Variants in RIF1 observed in about 807,000 individuals in gnomAD.
RIF1 encodes the protein telomere-associated protein RIF1.
A neutral mutation model predicts 247.1 loss-of-function variants in RIF1; 45 were observed. The observed-to-expected ratio is 0.18, with a 90% confidence interval of 0.14 to 0.23. The LOEUF is 0.23. Ranked by LOEUF, RIF1 falls within the 10% of genes least tolerant of loss-of-function variation. The pLI is 1.00. For synonymous variants in RIF1, 1,087 were observed against 978.8 expected (o/e 1.11, Z -2.06); for missense variants, 2,967 against 2,862.5 (o/e 1.04, Z -0.83).
Position 151,497,877 on chromosome 2 carries a change from G to A in RIF1, c.*514-1468G>A, listed in dbSNP as rs955655517. 71 of 1,502,448 alleles carry A rather than the reference G, an allele frequency of 4.7e-5. No individual in the cohort carries two copies. In the Admixed American group the frequency reaches 1.8e-3, roughly 38 times the overall value. The allele number at this position is 1,502,448 out of a possible 1,614,324, so 93.1% of individuals were successfully genotyped here. ...TTTAGTGGAAGCTGTTGTTGGGATAGGGAATCTGCACCCTCTAGAGAAGCA... is the reference window on the plus strand; with the variant it reads ...TTTAGTGGAAGCTGTTGTTGGGATAAGGAATCTGCACCCTCTAGAGAAGCA... On this transcript the variant is annotated intron_variant and NMD_transcript_variant, in intron 10 of 13. Coordinates refer to the RIF1 transcript ENST00000454583.
chr2:151,435,526 T>A lies in RIF1; in HGVS notation c.1141T>A (p.Ser381Thr). The change falls in exon 11 of 36, where the codon TCG becomes ACG. Residue 381 changes from serine (S) to threonine (T), a missense_variant. Transcript: ENST00000444746. ...IDSNASPQGNSCHVATSPGLN... is the reference protein window; with the variant it reads ...IDSNASPQGNTCHVATSPGLN... ...TTCTAATGCCTCACCTCAGGGCAAT[T>A]CGTGTCATGTAGCTACATCTCCAGG... 1.9e-6 allele frequency: 3 copies of A among 1,612,936 alleles called. No homozygotes were observed. Among genetic ancestry groups the A allele is most frequent in the East Asian group, 2.2e-5 (1 of 44,834 alleles).
At chr2:151,519,226 A>C in the RIF1 span, among the ~76,000 whole-genome samples, 3 of 152,232 alleles carry the variant, frequency 2.0e-5, no homozygotes, top group African/African-American at 7.2e-5. Flanking sequence ...AAACAACCCA[A>C]GTGTCTGTCA....
chr2:151,465,463 T>G lies in RIF1; in HGVS notation c.5943T>G (p.Pro1981=). Residue 1981 remains proline, a synonymous_variant, in exon 30 of 36, where the codon CCT becomes CCG. Coordinates refer to ENST00000444746, the MANE Select transcript of RIF1 (RefSeq NM_018151.5). ...SDISLSDNTT[P]VKLNAQTEIS... ...TTAGTCTTTCTGATAATACTACACC[T>G]GTAAAATTGAATGCTCAAACTGAGA... 1 of 1,614,058 alleles carries G rather than the reference T, an allele frequency of 6.2e-7. No homozygotes were observed. The highest frequency in any genetic ancestry group is 8.5e-7 in the Non-Finnish European group (1 of 1,179,988).
chr2:151,493,493 G>T, intron 9 of RIF1: 1 of 1,291,730 alleles, frequency 7.7e-7, no homozygotes, highest in Non-Finnish European at 1.1e-6. Context: ...AGAAAACCAG[G>T]TCTGAAAATC....
intron 9 of RIF1, among the ~76,000 whole-genome samples, chr2:151,488,571 A>C (rs903092627): frequency 2.0e-5 from 3 of 151,934 alleles, no homozygotes; most frequent in Non-Finnish European, 4.4e-5. Flanking sequence ...GCTTGAGTCC[A>C]TGAAGTCGAG....
Position 151,477,348 on chromosome 2 carries a change from A to G in RIF1, c.*2277A>G, listed in dbSNP as rs1405946379. 1 of 152,146 alleles carries G rather than the reference A, an allele frequency of 6.6e-6. No individual in the cohort carries two copies. Among genetic ancestry groups the G allele is most frequent in the African/African-American group, 2.4e-5 (1 of 41,430 alleles). The allele number at this position is 152,146 out of a possible 1,614,324, so 9.4% of individuals were successfully genotyped here. ...AAATGTCAGATCATAATAACACTCA[A>G]ATGTGTCTTAATTGTCTTATGCATA... On this transcript the variant is annotated 3_prime_UTR_variant, in exon 36 of 36. Transcript: ENST00000444746.
At chr2:151,427,377 A>G (rs1271165418) in intron 8 of RIF1, among the ~76,000 whole-genome samples, 2 of 151,306 alleles carry the variant, frequency 1.3e-5, no homozygotes, top group Non-Finnish European at 1.5e-5. Context: ...CGCCTGGCTG[A>G]TTTTTGTATT....
downstream of RIF1, among the ~76,000 whole-genome samples, chr2:151,509,937 G>A (rs1301687347): frequency 2.6e-5 from 4 of 152,154 alleles, no homozygotes; most frequent in African/African-American, 4.8e-5. Flanking sequence ...ACTGGTTACC[G>A]GGAGAAGGCC....
rs941205185 is a variant in RIF1 at position 151,468,207 on chromosome 2, A to T, written c.6747+61A>T. ...ACCGACACAGAATTACATGTACATG[A>T]TGTGTCATAAAATGAACTATATATG... On this transcript the variant is annotated intron_variant, in intron 31 of 35. Coordinates refer to ENST00000444746, the MANE Select transcript of RIF1 (RefSeq NM_018151.5). The T allele has an allele frequency of 3.5e-6, 5 of 1,419,788 alleles. No individual in the cohort carries two copies. In the South Asian group the frequency reaches 6.5e-5, roughly 19 times the overall value. 87.9% of individuals were successfully genotyped at this position (1,419,788 alleles called of 1,614,324 possible).
chr2:151,469,606 C>A (rs760367474), intron 33 of RIF1, 105 bp from the exon 34 acceptor site: 66 of 858,874 alleles, frequency 7.7e-5, no homozygotes, highest in Non-Finnish European at 1.0e-4. Context: ...GGGCTAACCT[C>A]AGTTATGATT....
At position 151,506,968 on chromosome 2, in the gene RIF1, CTG is replaced by C. The variant is rs2069560803; in HGVS notation, c.*1027+595_*1027+596del. 2 of 1,611,398 alleles carry C rather than the reference CTG, an allele frequency of 1.2e-6. No individual in the cohort carries two copies. Among genetic ancestry groups the C allele is most frequent in the Non-Finnish European group, 1.7e-6 (2 of 1,178,320 alleles). On this transcript the variant is annotated intron_variant and NMD_transcript_variant, in intron 13 of 13. Coordinates refer to the RIF1 transcript ENST00000454583. ...AGTATTTCTGGCGTGTCTTGAACAACTGTAATTTTTCCTTTACTGTTTTTAAG... is the reference window on the plus strand; with the variant it reads ...AGTATTTCTGGCGTGTCTTGAACAACTAATTTTTCCTTTACTGTTTTTAAG...
At chr2:151,416,412 G>A in intron 4 of RIF1, 149 bp from the exon 5 acceptor site, 1 of 675,640 alleles carries the variant, frequency 1.5e-6, no homozygotes, top group South Asian at 2.9e-5. Flanking sequence ...TTTGGGAGAA[G>A]TTTGGTATCA....
chr2:151,448,890 T>G (rs975523502), intron 20 of RIF1, among the ~76,000 whole-genome samples: 8 of 151,254 alleles, frequency 5.3e-5, no homozygotes, highest in African/African-American at 1.7e-4. Flanking sequence ...AAAATGGTCT[T>G]AGTTAGGCTT....
intron 20 of RIF1, among the ~76,000 whole-genome samples, chr2:151,449,844 C>G (rs114878472): frequency 1.5e-4 from 21 of 137,148 alleles, no homozygotes; most frequent in South Asian, 1.2e-3. Context: ...ACTTTGATGC[C>G]TTTTTTTTTT....
At chr2:151,510,826 T>G (rs114353777), downstream of RIF1, among the ~76,000 whole-genome samples, 5 of 152,188 alleles carry the variant, frequency 3.3e-5, no homozygotes, top group Non-Finnish European at 7.3e-5. Flanking sequence ...GAGACTACTG[T>G]ATAGTATCCT....
chr2:151,424,706 A>G (rs4494741), intron 8 of RIF1, among the ~76,000 whole-genome samples: 34,316 of 151,318 alleles, frequency 0.23, 4,640 homozygotes, highest in Admixed American at 0.36. Context: ...GGCTCTATCT[A>G]TCACCCAGGC....
At chr2:151,485,559 T>A (rs190132249), downstream of RIF1, 1,355 of 430,904 alleles carry the variant, frequency 3.1e-3, 11 homozygotes, top group Non-Finnish European at 3.4e-3. Flanking sequence ...GGCACAGAAA[T>A]AATATTGCAG....
At chr2:151,512,556 C>T (rs1360481492), downstream of RIF1, among the ~76,000 whole-genome samples, 3 of 152,144 alleles carry the variant, frequency 2.0e-5, no homozygotes, top group Admixed American at 6.5e-5. Flanking sequence ...TTAAATGATC[C>T]ACTTTCCTTG....
the RIF1 span, chr2:151,529,411 C>A: frequency 1.3e-6 from 1 of 787,594 alleles, no homozygotes; most frequent in Non-Finnish European, 2.2e-6. Flanking sequence ...GACTATAGTA[C>A]ACAATGCTCC....
Sources: gnomAD v4.1 joint callset for allele counts (sites outside exome capture counted in the v4.1 genomes callset) on GRCh38, gnomAD v4.1.1 for gene constraint, MANE v1.5 for transcripts, NCBI Gene and HGNC (gene_info 2026-07-23, HGNC 2026-07-21) for gene names.